The following ATP13A4 variants were observed in gnomAD, a reference collection of about 807,000 sequenced individuals.
ATP13A4 encodes probable cation-transporting ATPase 13A4.
Under a neutral mutation model 142.5 loss-of-function variants are expected in ATP13A4, and 114 were observed. The observed-to-expected ratio is 0.80, with a 90% confidence interval of 0.69 to 0.93. ATP13A4 has a LOEUF of 0.93. ATP13A4 is among the 40% of genes least tolerant of loss of function. The pLI, the probability that ATP13A4 is intolerant of heterozygous loss-of-function variation, is 0.00. For synonymous variants in ATP13A4, 488 were observed against 514.8 expected (o/e 0.95, Z 0.70); for missense variants, 1,392 against 1,454.0 (o/e 0.96, Z 0.69).
chr3:193,429,269 T>C (rs1373360446), intron 25 of ATP13A4, among the ~76,000 whole-genome samples: 1 of 152,064 alleles, frequency 6.6e-6, no homozygotes, highest in Non-Finnish European at 1.5e-5. Context: ...AAGTTAAATA[T>C]ATGATTAACA....
At chr3:193,418,119 CTCAAAAAAAAAAAAAAAAAAAA>C (rs1715192103) in intron 25 of ATP13A4, among the ~76,000 whole-genome samples, 1 of 44,242 alleles carries the variant, frequency 2.3e-5, no homozygotes. Context: ...GAGACTCCGT[CTCAAAAAAAAAAAAAAAAAAAA>C]AAAAAAAAAA....
At chr3:193,407,169 A>G in intron 29 of ATP13A4, 144 bp downstream of exon 29, 1 of 704,434 alleles carries the variant, frequency 1.4e-6, no homozygotes, top group Non-Finnish European at 2.6e-6. Flanking sequence ...GGAAGGCACC[A>G]TTGCTTATAC....
At chr3:193,555,291 T>A (rs755353385), upstream of ATP13A4, among the ~76,000 whole-genome samples, 8 of 152,226 alleles carry the variant, frequency 5.3e-5, no homozygotes, top group Non-Finnish European at 1.0e-4. Flanking sequence ...AGCTGCAGAT[T>A]TTCTTTGATG....
At chr3:193,461,894 T>G (rs1011815311) in intron 13 of ATP13A4, among the ~76,000 whole-genome samples, 1 of 152,096 alleles carries the variant, frequency 6.6e-6, no homozygotes, top group Non-Finnish European at 1.5e-5. Context: ...CACACCATGC[T>G]GAGAACTGTC....
Position 193,467,212 on chromosome 3 carries a change from A to T in ATP13A4, c.1114+104T>A. 6 of 1,187,270 alleles carry T rather than the reference A, an allele frequency of 5.1e-6. No individual in the cohort carries two copies. In the South Asian group the frequency reaches 8.8e-5, roughly 17 times the overall value. The allele number at this position is 1,187,270 out of a possible 1,614,324, so 73.5% of individuals were successfully genotyped here. On this transcript the variant is annotated intron_variant, in intron 10 of 29. Transcript: ENST00000342695. Reference sequence around the variant, plus strand: ...AAAAATTAAAAATTAAAAAAATATGATTATAAAGAAAAAACAGCTTCTCTT... The same window carrying T: ...AAAAATTAAAAATTAAAAAAATATGTTTATAAAGAAAAAACAGCTTCTCTT...
intron 1 of ATP13A4, among the ~76,000 whole-genome samples, chr3:193,536,959 G>T (rs1722620770): frequency 6.6e-6 from 1 of 151,922 alleles, no homozygotes; most frequent in Admixed American, 6.6e-5. Context: ...AATGAAGGAA[G>T]ATCTAAGCAA....
chr3:193,443,471 A>G (rs770546985), intron 18 of ATP13A4, among the ~76,000 whole-genome samples: 20 of 152,084 alleles, frequency 1.3e-4, no homozygotes, highest in Non-Finnish European at 2.2e-4. Context: ...CTACAACAGG[A>G]AAGATAGAAC....
chr3:193,496,706 G>T (rs572599313), intron 3 of ATP13A4, among the ~76,000 whole-genome samples: 1 of 152,062 alleles, frequency 6.6e-6, no homozygotes, highest in African/African-American at 2.4e-5. Context: ...TAGGAGAATC[G>T]CTTGGACCTG....
At chr3:193,503,888 A>C (rs1470627764) in intron 2 of ATP13A4, among the ~76,000 whole-genome samples, 1 of 151,886 alleles carries the variant, frequency 6.6e-6, no homozygotes, top group Non-Finnish European at 1.5e-5. Context: ...TTCCTACCAC[A>C]TTTTACCCTT....
At chr3:193,592,312 G>A (rs1416317975) in intron 1 of ATP13A4, among the ~76,000 whole-genome samples, 1 of 152,152 alleles carries the variant, frequency 6.6e-6, no homozygotes, top group East Asian at 1.9e-4. Context: ...GAAGGGGAAA[G>A]GAGTATTTAA....
At chr3:193,450,851 G>A (rs968189024) in intron 17 of ATP13A4, among the ~76,000 whole-genome samples, 5 of 152,188 alleles carry the variant, frequency 3.3e-5, no homozygotes, top group Non-Finnish European at 7.3e-5. Context: ...GCCCTGAGTT[G>A]TGAGGTGGAT....
rs180754221 is a variant in ATP13A4, at chr3:193,551,264, T to C, written c.60+3476A>G. On this transcript the variant is annotated intron_variant, in intron 1 of 29. Coordinates refer to ENST00000342695, the MANE Select transcript of ATP13A4 (RefSeq NM_032279.4). ...CCATCTCTTCTAAAAATACAAAAAATTAGCCAGGCATGGTGGCATGCAGCT... is the reference window on the plus strand; with the variant it reads ...CCATCTCTTCTAAAAATACAAAAAACTAGCCAGGCATGGTGGCATGCAGCT... Among the ~76,000 whole-genome samples the C allele has an allele frequency of 3.0e-3, 455 of 152,094 alleles. 5 individuals carry two copies. The highest frequency in any genetic ancestry group is 8.1e-3 in the Admixed American group (124 of 15,278).
chr3:193,492,461 C>T (rs1719994587), intron 5 of ATP13A4, among the ~76,000 whole-genome samples: 1 of 152,182 alleles, frequency 6.6e-6, no homozygotes, highest in Non-Finnish European at 1.5e-5. Context: ...TGGTGTTCTG[C>T]TGCTGCTCCA....
At chr3:193,501,452 G>A (rs1158475544) in intron 3 of ATP13A4, among the ~76,000 whole-genome samples, 2 of 152,052 alleles carry the variant, frequency 1.3e-5, no homozygotes, top group Admixed American at 6.6e-5. Flanking sequence ...GCTGGGTGTG[G>A]TAGCAGGTGC....
At chr3:193,419,714 T>G (rs763339530) in intron 25 of ATP13A4, among the ~76,000 whole-genome samples, 4 of 150,126 alleles carry the variant, frequency 2.7e-5, no homozygotes, top group Admixed American at 1.4e-4. Context: ...GAGACATCCC[T>G]TCCCCCAACA....
At chr3:193,454,688 C>G (rs945171315) in intron 16 of ATP13A4, among the ~76,000 whole-genome samples, 5 of 152,120 alleles carry the variant, frequency 3.3e-5, no homozygotes, top group Admixed American at 2.0e-4. Context: ...AAACTGGACC[C>G]CTTCCTTACA....
At position 193,418,121 on chromosome 3, in the gene ATP13A4, CAAAAAAAAAAAAAAAAAAAAAAAAAA is replaced by C. The variant is rs558796010; in HGVS notation, c.2843-3397_2843-3372del. On this transcript the variant is annotated intron_variant, in intron 25 of 29. Coordinates refer to ENST00000342695, the MANE Select transcript of ATP13A4 (RefSeq NM_032279.4). ...TGGGCGACAGAGCGAGACTCCGTCT[CAAAAAAAAAAAAAAAAAAAAAAAAAA>C]AAAAAAAAAAAAAAAAAAAATTAGC... Among the ~76,000 whole-genome samples, 26 of 15,794 alleles carry C rather than the reference CAAAAAAAAAAAAAAAAAAAAAAAAAA, an allele frequency of 1.6e-3. 1 individual carries two copies. Among genetic ancestry groups the C allele is most frequent in the Non-Finnish European group, 1.3e-3 (13 of 9,806 alleles). The allele number at this position is 15,794 out of a possible 152,430, so 10.4% of individuals were successfully genotyped here. A position where few individuals can be genotyped will look rare whatever the true frequency, so the allele number is the denominator to read the frequency against.
chr3:193,453,918 G>A (rs1717425931), intron 17 of ATP13A4, among the ~76,000 whole-genome samples, 183 bp downstream of exon 17: 2 of 152,034 alleles, frequency 1.3e-5, no homozygotes, highest in South Asian at 4.1e-4. Context: ...GGCAGGGCAG[G>A]GATTACTATA....
rs1717809002 is a variant in ATP13A4 at position 193,459,199 on chromosome 3, T to C, written c.1556A>G (p.Gln519Arg). ...ACACAGTGGGCCCCATGGCAAAGCCTGGCCTGAGGCAAAGCTGTGAACTTC... is the reference window on the plus strand; with the variant it reads ...ACACAGTGGGCCCCATGGCAAAGCCCGGCCTGAGGCAAAGCTGTGAACTTC... ...FQEVHSFASG[Q>R]ALPWGPLCAA... The change falls in exon 14 of 30, where the codon CAG becomes CGG. Residue 519 changes from glutamine (Q) to arginine (R), a missense_variant. Physicochemically the swap from Gln to Arg is conservative, Grantham distance 43 (BLOSUM62 1). Transcript: ENST00000342695. The C allele has an allele frequency of 6.2e-7, 1 of 1,614,250 alleles. No individual in the cohort carries two copies. The highest frequency in any genetic ancestry group is 8.5e-7 in the Non-Finnish European group (1 of 1,180,034).
Sources: allele counts gnomAD v4.1 joint callset (sites outside exome capture counted in the v4.1 genomes callset), GRCh38; gene constraint gnomAD v4.1.1; transcripts MANE v1.5; gene names NCBI Gene and HGNC (gene_info 2026-07-23, HGNC 2026-07-21).